Variants in CACNA1G observed in about 807,000 individuals in gnomAD.
The protein encoded by CACNA1G is calcium voltage-gated channel subunit alpha1 G, also known as voltage-dependent T-type calcium channel subunit alpha-1G.
A neutral mutation model predicts 219.4 loss-of-function variants in CACNA1G; 67 were observed. That is an observed-to-expected ratio of 0.31 (90% CI 0.25 to 0.37). CACNA1G has a LOEUF of 0.37. Ranked by LOEUF, CACNA1G falls within the 10% of genes least tolerant of loss-of-function variation. The pLI, the probability that CACNA1G is intolerant of heterozygous loss-of-function variation, is 1.00. For missense variants in CACNA1G, 2,380 were observed against 3,231.4 expected, an observed-to-expected ratio of 0.74 and a Z score of 6.39; for synonymous variants, 1,296 against 1,345.3, an observed-to-expected ratio of 0.96 and a Z score of 0.80.
intron 9 of CACNA1G, among the ~76,000 whole-genome samples, chr17:50,583,185 C>T (rs762144134): frequency 7.9e-5 from 12 of 152,142 alleles, no homozygotes; most frequent in Non-Finnish European, 1.5e-4. Context: ...CCCTTGGTCT[C>T]CAGATAGAGG....
intron 25 of CACNA1G, among the ~76,000 whole-genome samples, chr17:50,609,654 G>T (rs1598614844): frequency 6.6e-6 from 1 of 152,190 alleles, no homozygotes; most frequent in East Asian, 1.9e-4. Context: ...GCCCCTCCCG[G>T]TGCCTCCCTG....
At position 50,575,820 on chromosome 17, in the gene CACNA1G, G is replaced by C; in HGVS notation, c.1418G>C (p.Gly473Ala). The change falls in exon 8 of 38, where the codon GGC (glycine) becomes GCC (alanine). Residue 473 changes from glycine (G) to alanine (A), a missense_variant. Physicochemically the swap from Gly to Ala is moderately conservative, Grantham distance 60. This residue lies in a region of CACNA1G where 434 missense variants were observed against 417.3 expected (regional missense o/e 1.04). Transcript: ENST00000359106. ...GLLSSPAPLG[G>A]QETQPSSSCS... ...CTCAGCAGCCCAGCACCCCTCGGGG[G>C]CCAGGAGACCCAGCCCAGCAGCAGC... 1 of 1,550,906 alleles carries C rather than the reference G, an allele frequency of 6.4e-7. No individual in the cohort carries two copies.
chr17:50,568,987 T>TGA lies in CACNA1G; in HGVS notation c.354+7_354+8insAG. The TGA allele has an allele frequency of 5.8e-6, 5 of 858,320 alleles. No homozygotes were observed. Among genetic ancestry groups the TGA allele is most frequent in the South Asian group, 5.2e-5 (3 of 57,388 alleles). The allele number at this position is 858,320 out of a possible 1,614,324, so 53.2% of individuals were successfully genotyped here. On this transcript the variant is annotated splice_region_variant and intron_variant, in intron 2 of 37. Coordinates refer to ENST00000359106, the MANE Select transcript of CACNA1G (RefSeq NM_018896.5). ...AGCGCTGCCGGATCCTGCAGGTGAG[T>TGA]GTGTGTGTGTGTGTGTGTGTGTGTG...
chr17:50,566,035 C>T (rs1235445805), intron 1 of CACNA1G, among the ~76,000 whole-genome samples: 2 of 152,278 alleles, frequency 1.3e-5, no homozygotes, highest in South Asian at 2.1e-4. Context: ...CAGTGTCCCC[C>T]GTTCCCTTGG....
Position 50,600,623 on chromosome 17 carries a change from G to T in CACNA1G, c.3691-103G>T. 1 of 930,190 alleles carries T rather than the reference G, an allele frequency of 1.1e-6. No individual in the cohort carries two copies. The highest frequency in any genetic ancestry group is 1.4e-5 in the South Asian group (1 of 69,438). 57.6% of individuals were successfully genotyped at this position (930,190 alleles called of 1,614,324 possible). A position where few individuals can be genotyped will look rare whatever the true frequency, so the allele number is the denominator to read the frequency against. The stretch of plus-strand genomic sequence containing the variant: ...CAGGGCAGAGCTTGGGCCCCAGGTG[G>T]GAGAGGGTAGACAAGGAGTGAGGCT... On this transcript the variant is annotated intron_variant, in intron 17 of 37. Coordinates refer to ENST00000359106, the MANE Select transcript of CACNA1G (RefSeq NM_018896.5). This position sits in a 1 kb window ranked among gnomAD's most constrained non-coding sequence, Gnocchi z 4.1.
chr17:50,607,598 C>T, intron 24 of CACNA1G: 1 of 528,446 alleles, frequency 1.9e-6, no homozygotes, highest in East Asian at 3.2e-5. Flanking sequence ...TCCCTCAAGG[C>T]AGGAGTCAGC....
chr17:50,627,396 C>G lies in CACNA1G; in HGVS notation c.*645C>G, dbSNP rs976254428. 9 of 378,152 alleles carry G rather than the reference C, an allele frequency of 2.4e-5. No homozygotes were observed. The highest frequency in any genetic ancestry group is 1.5e-4 in the African/African-American group (7 of 46,718). 23.4% of individuals were successfully genotyped at this position (378,152 alleles called of 1,614,324 possible). ...ATGAGATTTTACAAGTGAAATGGAA[C>G]CTTTTTATATATACATACATACATA... On this transcript the variant is annotated 3_prime_UTR_variant, in exon 38 of 38. Transcript: ENST00000359106.
At position 50,575,935 on chromosome 17, in the gene CACNA1G, G is replaced by A. The variant is rs936995449; in HGVS notation, c.1533G>A (p.Thr511=). Residue 511 remains threonine, a synonymous_variant, in exon 8 of 38, where the codon ACG becomes ACA. Coordinates refer to ENST00000359106, the MANE Select transcript of CACNA1G (RefSeq NM_018896.5). ...ACCACTACCACCTGGGCAATGGGACGCTCAGGGCCCCCCGGGCCAGCCCGG... is the reference window on the plus strand; with the variant it reads ...ACCACTACCACCTGGGCAATGGGACACTCAGGGCCCCCCGGGCCAGCCCGG... The part of the protein sequence containing the change: ...HHHHYHLGNG[T]LRAPRASPEI... 36 of 1,554,962 alleles carry A rather than the reference G, an allele frequency of 2.3e-5. No homozygotes were observed. Among genetic ancestry groups the A allele is most frequent in the Middle Eastern group, 1.7e-4 (1 of 6,014 alleles).
In CACNA1G at chr17:50,578,620, G is replaced by T; in HGVS notation, c.2301+56G>T. 6.7e-7 allele frequency: 1 copy of T among 1,498,448 alleles called. No individual in the cohort carries two copies. The highest frequency in any genetic ancestry group is 8.9e-7 in the Non-Finnish European group (1 of 1,120,200). 92.8% of individuals were successfully genotyped at this position (1,498,448 alleles called of 1,614,324 possible). On this transcript the variant is annotated intron_variant, in intron 9 of 37. Transcript: ENST00000359106. This position sits in a 1 kb window ranked among gnomAD's most constrained non-coding sequence, Gnocchi z 4.5. Reference sequence around the variant, plus strand: ...CCAGCTGCTTTTCGCCTGGGGCTGGGGCCTTCTACCTCCCTCCGCACCCCT... The same window carrying T: ...CCAGCTGCTTTTCGCCTGGGGCTGGTGCCTTCTACCTCCCTCCGCACCCCT...
At chr17:50,609,825 G>A in intron 25 of CACNA1G, 57 bp from the exon 26 acceptor site, 2 of 1,540,140 alleles carry the variant, frequency 1.3e-6, no homozygotes, top group Non-Finnish European at 8.9e-7. Flanking sequence ...CCCCTGAGGG[G>A]CCCTGCCCAG....
intron 13 of CACNA1G, 66 bp downstream of exon 13, chr17:50,592,158 T>C: frequency 6.6e-7 from 1 of 1,511,300 alleles, no homozygotes; most frequent in Non-Finnish European, 9.0e-7. Context: ...GCTGCCTGTC[T>C]TGAGCCTCCT....
At chr17:50,590,380 C>T in intron 9 of CACNA1G, 91 bp from the exon 10 acceptor site, 1 of 1,407,252 alleles carries the variant, frequency 7.1e-7, no homozygotes, top group Non-Finnish European at 1.0e-6. Context: ...GCTATTCCTG[C>T]TCCTCCTCTC....
rs1208000797 is a variant in CACNA1G, at chr17:50,576,455, G to A, written c.1924+129G>A. ...TCTCATGCTGCCTCTCATGGCTTAG[G>A]CACCTTCAACCAGTCACATCCCTGC... On this transcript the variant is annotated intron_variant, in intron 8 of 37. Coordinates refer to ENST00000359106, the MANE Select transcript of CACNA1G (RefSeq NM_018896.5). The A allele has an allele frequency of 4.4e-6, 4 of 912,928 alleles. No homozygotes were observed. In the East Asian group the frequency reaches 1.1e-4, roughly 24 times the overall value. 56.6% of individuals were successfully genotyped at this position (912,928 alleles called of 1,614,324 possible).
At chr17:50,598,142 C>T (rs1352183249) in intron 16 of CACNA1G, among the ~76,000 whole-genome samples, 1 of 152,212 alleles carries the variant, frequency 6.6e-6, no homozygotes, top group African/African-American at 2.4e-5. Flanking sequence ...ATTCTCCTGC[C>T]TCAGCCACCT....
chr17:50,619,826 G>A lies in CACNA1G; in HGVS notation c.5925G>A (p.Gln1975=), dbSNP rs2051365646. 3 of 1,602,992 alleles carry A rather than the reference G, an allele frequency of 1.9e-6. No individual in the cohort carries two copies. The highest frequency in any genetic ancestry group is 2.5e-6 in the Non-Finnish European group (3 of 1,177,378). Residue 1975 remains glutamine (Q), a splice_region_variant and synonymous_variant, in exon 34 of 38, where the codon CAG becomes CAA. Transcript: ENST00000359106. Reference sequence around the variant, plus strand: ...CCAGCCTGGGAGGCTCCGACCCACAGGTTACTGTGCCCCTGTGCTGTGCCC... The same window carrying A: ...CCAGCCTGGGAGGCTCCGACCCACAAGTTACTGTGCCCCTGTGCTGTGCCC... ...SAPSLGGSDP[Q]IPLAEMEALS... is the part of the protein sequence containing the mutation.
chr17:50,568,752 C>T, intron 1 of CACNA1G, 118 bp from the exon 2 acceptor site: 2 of 782,730 alleles, frequency 2.6e-6, no homozygotes, highest in Non-Finnish European at 4.4e-6. Context: ...GGCCCTGGCA[C>T]CACACCTGCT....
rs3833150 is a variant in CACNA1G, at chr17:50,568,985, A to AGTGTGT, written c.354+29_354+34dup. 738 of 1,181,828 alleles carry AGTGTGT rather than the reference A, an allele frequency of 6.2e-4. 5 individuals carry two copies. The African/African-American group carries it at 6.6e-3, about 11-fold the overall frequency. 73.2% of individuals were successfully genotyped at this position (1,181,828 alleles called of 1,614,324 possible). On this transcript the variant is annotated splice_donor_region_variant and intron_variant, in intron 2 of 37. Coordinates refer to ENST00000359106, the MANE Select transcript of CACNA1G (RefSeq NM_018896.5). The stretch of plus-strand genomic sequence containing the variant: ...CCAGCGCTGCCGGATCCTGCAGGTG[A>AGTGTGT]GTGTGTGTGTGTGTGTGTGTGTGTG...
At chr17:50,597,722 A>G (rs896100722) in intron 16 of CACNA1G, among the ~76,000 whole-genome samples, 15 of 152,316 alleles carry the variant, frequency 9.8e-5, no homozygotes, top group African/African-American at 3.4e-4. Flanking sequence ...TGTGCAATAA[A>G]TCTCGAAAAT....
chr17:50,624,682 G>A (rs561287856), intron 37 of CACNA1G, among the ~76,000 whole-genome samples, 153 bp downstream of exon 37: 6 of 152,376 alleles, frequency 3.9e-5, no homozygotes, highest in African/African-American at 1.4e-4. Context: ...ACACAGTACT[G>A]GGCAAAGCAG....
Sources: allele counts gnomAD v4.1 joint callset (sites outside exome capture counted in the v4.1 genomes callset), GRCh38; gene constraint gnomAD v4.1.1; regional missense constraint gnomAD v4.1.1; non-coding constraint Gnocchi (gnomAD v3.1); transcripts MANE v1.5; gene names NCBI Gene and HGNC (gene_info 2026-07-23, HGNC 2026-07-21).